The following KCNK13 variants were observed in gnomAD, a reference collection of about 807,000 sequenced individuals.
The protein encoded by KCNK13 is potassium two pore domain channel subfamily K member 13, also known as potassium channel subfamily K member 13.
Under a neutral mutation model 23.4 loss-of-function variants are expected in KCNK13, and 12 were observed. That is an observed-to-expected ratio of 0.51 (90% CI 0.33 to 0.83). The LOEUF (loss-of-function observed/expected upper bound fraction) is 0.83, where lower values mean the gene tolerates loss of function less well. Among genes scored for constraint, KCNK13 ranks in the 40% least tolerant of loss-of-function variants. KCNK13 has a pLI of 0.02. For missense variants in KCNK13, 463 were observed against 556.3 expected, an observed-to-expected ratio of 0.83 and a Z score of 1.69; for synonymous variants, 231 against 229.5, an observed-to-expected ratio of 1.01 and a Z score of -0.06.
rs369892541 is a variant in KCNK13 at position 90,090,760 on chromosome 14, G to A, written c.334+28221G>A. Among the ~76,000 whole-genome samples the A allele has an allele frequency of 5.3e-5, 8 of 152,266 alleles. No homozygotes were observed. The South Asian group carries it at 1.2e-3, about 24-fold the overall frequency. On this transcript the variant is annotated intron_variant, in intron 1 of 1. Transcript: ENST00000282146. ...AGGTGGGTTTTCCCATGCTATTCTC[G>A]TGATAGTGAATGTGTCTCATGAGAT...
chr14:90,138,919 T>A (rs1889969128), intron 1 of KCNK13, among the ~76,000 whole-genome samples: 1 of 151,638 alleles, frequency 6.6e-6, no homozygotes, highest in East Asian at 1.9e-4. Flanking sequence ...AGGGGAAGAG[T>A]ATGGCCAGAA....
intron 1 of KCNK13, among the ~76,000 whole-genome samples, chr14:90,065,423 C>T (rs1888996110): frequency 6.6e-6 from 1 of 152,136 alleles, no homozygotes; most frequent in Non-Finnish European, 1.5e-5. Flanking sequence ...AGAGCTTGAG[C>T]CAAGAATTTG....
At chr14:90,176,986 C>T (rs1890429199) in intron 1 of KCNK13, among the ~76,000 whole-genome samples, 1 of 152,150 alleles carries the variant, frequency 6.6e-6, no homozygotes, top group Non-Finnish European at 1.5e-5. Context: ...CACCACTGCA[C>T]TCCAGCCTTG....
intron 1 of KCNK13, among the ~76,000 whole-genome samples, chr14:90,082,093 A>G (rs72629393): frequency 0.14 from 21,222 of 152,098 alleles, 1,811 homozygotes; most frequent in South Asian, 0.26. Context: ...ACAGAGTCTC[A>G]CTTTGTTGCC....
intron 1 of KCNK13, among the ~76,000 whole-genome samples, chr14:90,146,535 C>T (rs1002610412): frequency 2.6e-5 from 4 of 152,052 alleles, no homozygotes; most frequent in African/African-American, 9.7e-5. Flanking sequence ...AGTCTGGTCT[C>T]GAACTCCTGA....
chr14:90,142,033 C>T (rs995251008), intron 1 of KCNK13, among the ~76,000 whole-genome samples: 37 of 148,564 alleles, frequency 2.5e-4, no homozygotes, highest in Admixed American at 1.9e-3. Context: ...ATGATCCGTC[C>T]GCCTCAGCCT....
intron 1 of KCNK13, among the ~76,000 whole-genome samples, chr14:90,109,290 A>T (rs1566953093): frequency 6.6e-6 from 1 of 152,130 alleles, no homozygotes; most frequent in Non-Finnish European, 1.5e-5. Flanking sequence ...TAATAAAAAA[A>T]TACCTATAGA....
Position 90,181,576 on chromosome 14 carries a change from C to T in KCNK13, c.335-2535C>T, listed in dbSNP as rs115639666. Among the ~76,000 whole-genome samples the T allele has an allele frequency of 7.1e-3, 1,082 of 152,284 alleles. 10 individuals are homozygous for T. Among genetic ancestry groups the T allele is most frequent in the African/African-American group, 0.025 (1,040 of 41,560 alleles). ...GGGGGGCACATAAACACTCAGACCA[C>T]GGCAGTGGCCCAGACATGTAGTGAG... On this transcript the variant is annotated intron_variant, in intron 1 of 1. Coordinates refer to ENST00000282146, the MANE Select transcript of KCNK13 (RefSeq NM_022054.4).
intron 1 of KCNK13, among the ~76,000 whole-genome samples, chr14:90,138,535 T>C (rs937941018): frequency 7.9e-5 from 12 of 152,242 alleles, no homozygotes; most frequent in Admixed American, 7.9e-4. Context: ...TTGGAGGTTG[T>C]CTTTGGCTTT....
Position 90,077,205 on chromosome 14 carries a change from C to T in KCNK13, c.334+14666C>T, listed in dbSNP as rs912188866. ...TGCGATCTCAGCTCACTGCAGCCTC[C>T]GCCTCCCGGGTTCAAGCAATTCCCC... On this transcript the variant is annotated intron_variant, in intron 1 of 1. Coordinates refer to ENST00000282146, the MANE Select transcript of KCNK13 (RefSeq NM_022054.4). Among the ~76,000 whole-genome samples the T allele has an allele frequency of 6.7e-5, 10 of 148,600 alleles. No individual in the cohort carries two copies. In the East Asian group the frequency reaches 8.0e-4, roughly 12 times the overall value.
At chr14:90,089,463 T>C (rs1889317781) in intron 1 of KCNK13, among the ~76,000 whole-genome samples, 1 of 152,210 alleles carries the variant, frequency 6.6e-6, no homozygotes, top group Non-Finnish European at 1.5e-5. Flanking sequence ...CTATTGAAGG[T>C]GCTGTTAAAG....
At chr14:90,173,081 A>G (rs1456475591) in intron 1 of KCNK13, among the ~76,000 whole-genome samples, 1 of 152,248 alleles carries the variant, frequency 6.6e-6, no homozygotes, top group East Asian at 1.9e-4. Context: ...TGCTAAAGAG[A>G]ATATTCAAAT....
rs1890536079 is a variant in KCNK13, at chr14:90,185,076, C to T, written c.*73C>T. The stretch of plus-strand genomic sequence containing the variant: ...ATTGCCGCCCAGGGGACGAGCTCAG[C>T]CCTGCGCCTTGGCTCTGTTCCTTCT... On this transcript the variant is annotated 3_prime_UTR_variant, in exon 2 of 2. Transcript: ENST00000282146. The T allele has an allele frequency of 3.8e-6, 5 of 1,332,180 alleles. No individual in the cohort carries two copies. In the Admixed American group the frequency reaches 1.4e-4, roughly 36 times the overall value. The allele number at this position is 1,332,180 out of a possible 1,614,324, so 82.5% of individuals were successfully genotyped here.
intron 1 of KCNK13, among the ~76,000 whole-genome samples, chr14:90,097,996 C>G (rs1322353765): frequency 2.0e-5 from 3 of 152,198 alleles, no homozygotes; most frequent in African/African-American, 7.2e-5. Context: ...GTCTCTCTCT[C>G]TCTCTCTCAG....
intron 1 of KCNK13, among the ~76,000 whole-genome samples, chr14:90,155,452 G>A (rs1002073310): frequency 1.3e-5 from 2 of 152,154 alleles, no homozygotes; most frequent in African/African-American, 2.4e-5. Flanking sequence ...TTGGGGCTAC[G>A]GGGTGTGTGA....
chr14:90,070,911 C>T (rs1187363491), intron 1 of KCNK13, among the ~76,000 whole-genome samples: 2 of 152,222 alleles, frequency 1.3e-5, no homozygotes, highest in South Asian at 2.1e-4. Flanking sequence ...TCTAAAATTT[C>T]GTGGGGAAGC....
intron 1 of KCNK13, among the ~76,000 whole-genome samples, chr14:90,127,605 G>A (rs1002550803): frequency 6.6e-6 from 1 of 150,566 alleles, no homozygotes; most frequent in Non-Finnish European, 1.5e-5. Context: ...TTGAATCCAG[G>A]AGTTTGAGAC....
At chr14:90,145,015 T>C (rs1420930704) in intron 1 of KCNK13, among the ~76,000 whole-genome samples, 1 of 152,178 alleles carries the variant, frequency 6.6e-6, no homozygotes, top group African/African-American at 2.4e-5. Flanking sequence ...TGAATGGATG[T>C]TGGATTTTGT....
At chr14:90,132,364 C>T (rs1889884436) in intron 1 of KCNK13, among the ~76,000 whole-genome samples, 2 of 151,850 alleles carry the variant, frequency 1.3e-5, no homozygotes, top group South Asian at 2.1e-4. Context: ...GCCAACATGG[C>T]GAAACCCCGT....
Sources: allele counts gnomAD v4.1 joint callset (sites outside exome capture counted in the v4.1 genomes callset), GRCh38; gene constraint gnomAD v4.1.1; transcripts MANE v1.5; gene names NCBI Gene and HGNC (gene_info 2026-07-23, HGNC 2026-07-21).